The following SERINC2 variants were observed in gnomAD, a reference collection of about 807,000 sequenced individuals.
SERINC2 encodes the protein tumor differentially expressed protein 2.
In SERINC2, 56 loss-of-function variants were observed where a neutral mutation model predicts 54.2. That is an observed-to-expected ratio of 1.03 (90% CI 0.83 to 1.29). The LOEUF (loss-of-function observed/expected upper bound fraction) is 1.29, where lower values mean the gene tolerates loss of function less well. Among genes scored for constraint, SERINC2 ranks in the 50% most tolerant of loss-of-function variants. The pLI, the probability that SERINC2 is intolerant of heterozygous loss-of-function variation, is 0.00. For synonymous variants in SERINC2, 272 were observed against 253.1 expected (o/e 1.07, Z -0.71); for missense variants, 614 against 607.4 (o/e 1.01, Z -0.12).
chr1:31,431,474 A>G lies in SERINC2; in HGVS notation c.1014-1493A>G, dbSNP rs868962105. Among the ~76,000 whole-genome samples the G allele has an allele frequency of 5.9e-5, 9 of 151,876 alleles. 1 individual carries two copies. Among genetic ancestry groups the G allele is most frequent in the African/African-American group, 2.2e-4 (9 of 41,368 alleles). On this transcript the variant is annotated intron_variant, in intron 8 of 9. Coordinates refer to ENST00000373709, the MANE Select transcript of SERINC2 (RefSeq NM_178865.5). ...GAAACTGACAGCCGGGGAGGAGGCCATGAGCACATGGTGGCCGGTGGCCAA... is the reference window on the plus strand; with the variant it reads ...GAAACTGACAGCCGGGGAGGAGGCCGTGAGCACATGGTGGCCGGTGGCCAA...
chr1:31,432,138 C>CAGGGTGGTTAGGGTGGAT (rs1641296746), intron 8 of SERINC2, among the ~76,000 whole-genome samples: 1 of 5,512 alleles, frequency 1.8e-4, no homozygotes, highest in South Asian at 7.6e-3. Context: ...ATAGGGTGGA[C>CAGGGTGGTTAGGGTGGAT]AGGGTGGACA....
chr1:31,425,247 G>A (rs1641007118), intron 3 of SERINC2, 83 bp from the exon 4 acceptor site: 1 of 1,018,548 alleles, frequency 9.8e-7, no homozygotes, highest in Admixed American at 1.7e-5. Flanking sequence ...TGTGGGTGGG[G>A]GCTCTGGGGC....
Position 31,426,814 on chromosome 1 carries a change from C to T in SERINC2, c.771C>T (p.Pro257=), listed in dbSNP as rs1254526856. ...CVCVSIAAVL[P]KVQDAQPNSG... The stretch of plus-strand genomic sequence containing the variant: ...GCGTGTCCATCGCTGCTGTCCTGCC[C>T]AAGGTCCAGGTGAGCCTGCCTGACC... Residue 257 remains proline (P), a synonymous_variant, in exon 6 of 10, where the codon CCC becomes CCT. Transcript: ENST00000373709. The T allele has an allele frequency of 6.2e-7, 1 of 1,613,612 alleles. No homozygotes were observed. Among genetic ancestry groups the T allele is most frequent in the Admixed American group, 1.7e-5 (1 of 60,006 alleles).
upstream of SERINC2, chr1:31,410,345 T>A (rs184916722): frequency 2.2e-4 from 339 of 1,547,744 alleles, no homozygotes; most frequent in African/African-American, 3.7e-3. Context: ...AGTAGTCCCC[T>A]CAGATAGCTG....
chr1:31,432,078 G>A (rs1553134688), intron 8 of SERINC2, among the ~76,000 whole-genome samples: 2 of 120,252 alleles, frequency 1.7e-5, no homozygotes, highest in East Asian at 2.7e-4. Context: ...GGGTGGACAG[G>A]GTGGTTAGGG....
At chr1:31,432,119 TTAGGGTGGA>T (rs1322746806) in intron 8 of SERINC2, among the ~76,000 whole-genome samples, 22 of 9,734 alleles carry the variant, frequency 2.3e-3, no homozygotes, top group East Asian at 0.019. Flanking sequence ...GATAGGGTGG[TTAGGGTGGA>T]TAGGGTGGAC....
At chr1:31,421,891 T>C (rs2148516043) in intron 1 of SERINC2, among the ~76,000 whole-genome samples, 1 of 152,328 alleles carries the variant, frequency 6.6e-6, no homozygotes, top group East Asian at 1.9e-4. Context: ...ATTCCTCAAA[T>C]GCCCAGCCCC....
rs782710911 is a variant in SERINC2, at chr1:31,424,765, G to T, written c.284G>T (p.Arg95Leu). 3 of 1,611,738 alleles carry T rather than the reference G, an allele frequency of 1.9e-6. No individual in the cohort carries two copies. In the African/African-American group the frequency reaches 4.0e-5, roughly 22 times the overall value. ...GACTGTGGCTCCCTGCTTGGCTACC[G>T]CGCTGTCTACCGCATGTGCTTCGCC... ...HIDCGSLLGY[R>L]AVYRMCFATA... is the part of the protein sequence containing the mutation. The change falls in exon 3 of 10, where the codon CGC (arginine) becomes CTC (leucine). Residue 95 changes from arginine to leucine, a missense_variant. Physicochemically the swap from Arg to Leu is moderately radical, Grantham distance 102 (BLOSUM62 -2). Transcript: ENST00000373709.
intron 4 of SERINC2, 122 bp from the exon 5 acceptor site, chr1:31,425,654 C>A: frequency 7.9e-7 from 1 of 1,268,970 alleles, no homozygotes; most frequent in Non-Finnish European, 1.1e-6. Flanking sequence ...CTAGGGGCTC[C>A]CTGAGGGCAG....
At chr1:31,420,048 G>A (rs1167787573) in intron 1 of SERINC2, among the ~76,000 whole-genome samples, 3 of 152,092 alleles carry the variant, frequency 2.0e-5, no homozygotes, top group African/African-American at 7.2e-5. Flanking sequence ...TATGATCAGT[G>A]CCACAATGAA....
At chr1:31,432,066 C>T (rs138712518) in intron 8 of SERINC2, among the ~76,000 whole-genome samples, 2,665 of 14,174 alleles carry the variant, frequency 0.19, 31 homozygotes, top group East Asian at 0.24. Context: ...ACAGGGTGGA[C>T]AGGGTGGACA....
rs782549550 is a variant in SERINC2 at position 31,434,187 on chromosome 1, C to T, written c.1356C>T (p.Arg452=). Residue 452 remains arginine, a synonymous_variant, in exon 10 of 10, where the codon CGC becomes CGT. Coordinates refer to ENST00000373709, the MANE Select transcript of SERINC2 (RefSeq NM_178865.5). ...TAGCCCCACTCCTCCTGCGCAACCG[C>T]GACTTCAGCTGAGGCAGCCTCACAG... ...TLVAPLLLRN[R]DFS 81 of 1,613,124 alleles carry T rather than the reference C, an allele frequency of 5.0e-5. No homozygotes were observed. The highest frequency in any genetic ancestry group is 6.6e-5 in the Non-Finnish European group (78 of 1,179,840).
At chr1:31,426,869 G>C in intron 6 of SERINC2, 46 bp downstream of exon 6, 1 of 1,563,084 alleles carries the variant, frequency 6.4e-7, no homozygotes, top group South Asian at 1.1e-5. Context: ...GCCCCTTAGT[G>C]GGTGGGACTT....
At chr1:31,426,192 C>T (rs907995538) in intron 5 of SERINC2, among the ~76,000 whole-genome samples, 6 of 152,086 alleles carry the variant, frequency 3.9e-5, no homozygotes, top group African/African-American at 7.2e-5. Flanking sequence ...TAGTGTGGGA[C>T]GCCCTTTTGG....
At chr1:31,417,347 C>G (rs1553132323) in intron 1 of SERINC2, among the ~76,000 whole-genome samples, 1 of 152,202 alleles carries the variant, frequency 6.6e-6, no homozygotes, top group Admixed American at 6.5e-5. Flanking sequence ...TCCAGACTCC[C>G]TGGCATGGCA....
chr1:31,432,368 C>A (rs1235314345), intron 8 of SERINC2, among the ~76,000 whole-genome samples: 1 of 151,996 alleles, frequency 6.6e-6, no homozygotes. Flanking sequence ...CTATCAAATT[C>A]TGTTAAAAAC....
At chr1:31,415,896 A>G in intron 1 of SERINC2, 1 of 985,588 alleles carries the variant, frequency 1.0e-6, no homozygotes, top group South Asian at 4.7e-5. Context: ...CTGAAGGTGA[A>G]CTGGGCTGAA....
chr1:31,424,414 G>A (rs1474251669), intron 2 of SERINC2, among the ~76,000 whole-genome samples: 3 of 152,312 alleles, frequency 2.0e-5, no homozygotes, highest in Non-Finnish European at 2.9e-5. Flanking sequence ...TTTAGACAGC[G>A]CAATAGTTTC....
Position 31,432,165 on chromosome 1 carries a change from T to TGGAGAGGGTGGAG in SERINC2, c.1014-802_1014-801insGGAGAGGGTGGAG, listed in dbSNP as rs1641304219. Among the ~76,000 whole-genome samples, 4 of 19,710 alleles carry TGGAGAGGGTGGAG rather than the reference T, an allele frequency of 2.0e-4. No homozygotes were observed. In the South Asian group the frequency reaches 5.5e-3, roughly 27 times the overall value. 12.9% of individuals were successfully genotyped at this position (19,710 alleles called of 152,430 possible). A position where few individuals can be genotyped will look rare whatever the true frequency, so the allele number is the denominator to read the frequency against. On this transcript the variant is annotated intron_variant, in intron 8 of 9. Coordinates refer to ENST00000373709, the MANE Select transcript of SERINC2 (RefSeq NM_178865.5). ...GGGTGGACAGGGTGGACAGGGTGGA[T>TGGAGAGGGTGGAG]AGGGTGGATAGGGTGGATAGGGTGG...
Sources: allele counts gnomAD v4.1 joint callset (sites outside exome capture counted in the v4.1 genomes callset), GRCh38; gene constraint gnomAD v4.1.1; transcripts MANE v1.5; gene names NCBI Gene and HGNC (gene_info 2026-07-23, HGNC 2026-07-21).